TAF1: variants seen among roughly 807,000 people sequenced by gnomAD.
TAF1 encodes the protein TATA-box binding protein associated factor 1.
Under a neutral mutation model 138.5 loss-of-function variants are expected in TAF1, and 2 were observed. The observed-to-expected ratio is 0.01, with a 90% CI of 0.01 to 0.05. The LOEUF is 0.05. TAF1 is among the 10% of genes least tolerant of loss of function. TAF1 has a pLI of 1.00. For synonymous variants in TAF1, 437 were observed against 503.2 expected, an observed-to-expected ratio of 0.87 and a Z score of 1.76; for missense variants, 709 against 1,478.0, an observed-to-expected ratio of 0.48 and a Z score of 8.53.
At position 71,522,956 on chromosome X, in the gene TAF1, G is replaced by C. The variant is rs1290955825; in HGVS notation, c.1367-5586G>C. ...CAGCACTTTGGGAGGCCGAGGCAAG[G>C]AGATCACCTGAGCTCAGGAGTTCAA... On this transcript the variant is annotated intron_variant and NMD_transcript_variant, in intron 13 of 14. Transcript: ENST00000373775. Among the ~76,000 whole-genome samples the C allele has an allele frequency of 8.3e-5, 9 of 109,007 alleles. No individual in the cohort carries two copies. The East Asian group carries it at 1.4e-3, about 17-fold the overall frequency. 94.7% of individuals were successfully genotyped at this position (109,007 alleles called of 115,157 possible).
At chrX:71,451,802 T>G (rs1034977607) in intron 32 of TAF1, among the ~76,000 whole-genome samples, 5 of 111,247 alleles carry the variant, frequency 4.5e-5, no homozygotes, top group African/African-American at 1.6e-4. Context: ...GGTAAGGTCA[T>G]AGATCAACAG....
chrX:71,518,870 T>C (rs765634443), intron 13 of TAF1, among the ~76,000 whole-genome samples: 1 of 105,800 alleles, frequency 9.5e-6, no homozygotes, highest in Admixed American at 1.0e-4. Flanking sequence ...TAATTTTTTG[T>C]ATTTTTAGTA....
At chrX:71,505,157 T>C (rs1038258936) in intron 13 of TAF1, among the ~76,000 whole-genome samples, 4 of 110,999 alleles carry the variant, frequency 3.6e-5, no homozygotes, top group Non-Finnish European at 1.9e-5. Flanking sequence ...ATATATAATA[T>C]ATGAGTCCAT....
rs189028108 is a variant in TAF1 at position 71,409,789 on chromosome X, C to A, written c.4384+1638C>A. ...CTCAGCATTATATTTCACAAAATAT[C>A]CCTTATCATTTCTTCATGACTTTGC... is the stretch of plus-strand genomic sequence containing the variant. On this transcript the variant is annotated intron_variant, in intron 28 of 37. Coordinates refer to ENST00000423759, the MANE Select transcript of TAF1 (RefSeq NM_004606.5). Among the ~76,000 whole-genome samples the A allele has an allele frequency of 4.6e-4, 52 of 111,830 alleles. No individual in the cohort carries two copies. The South Asian group carries it at 5.3e-3, about 11-fold the overall frequency.
At chrX:71,414,053 C>T (rs1028985551) in intron 28 of TAF1, 1 of 102,829 alleles carries the variant, frequency 9.7e-6, no homozygotes, top group African/African-American at 3.6e-5. Context: ...CCTATAGCCT[C>T]ATCTCCTACA....
At chrX:71,445,995 C>T (rs1023751669) in intron 32 of TAF1, among the ~76,000 whole-genome samples, 29 of 107,674 alleles carry the variant, frequency 2.7e-4, no homozygotes, top group African/African-American at 8.9e-4. Context: ...ACTGTAACCT[C>T]TGCCTCCCGG....
At chrX:71,452,859 G>A (rs1165171636) in intron 32 of TAF1, among the ~76,000 whole-genome samples, 1 of 112,431 alleles carries the variant, frequency 8.9e-6, no homozygotes, top group African/African-American at 3.2e-5. Context: ...AGGAGCTGGA[G>A]ACCAGCCCGG....
At chrX:71,436,038 C>CTTTTTTT (rs780566468) in intron 32 of TAF1, among the ~76,000 whole-genome samples, 1 of 78,433 alleles carries the variant, frequency 1.3e-5, no homozygotes, top group Non-Finnish European at 2.4e-5. Context: ...ATGCTACCTC[C>CTTTTTTT]TTTTTTTTTT....
chrX:71,500,394 C>T (rs2039477086), intron 13 of TAF1, among the ~76,000 whole-genome samples: 1 of 111,421 alleles, frequency 9.0e-6, no homozygotes, highest in African/African-American at 3.3e-5. Flanking sequence ...AAATAAGCCA[C>T]TTCTTTTTCA....
chrX:71,405,863 A>G (rs138270070), intron 25 of TAF1, among the ~76,000 whole-genome samples: 1,669 of 110,614 alleles, frequency 0.015, 13 homozygotes, highest in Non-Finnish European at 0.024. Context: ...AACAGTTTTT[A>G]AATTTAAAAA....
chrX:71,372,526 C>T (rs772549713), intron 3 of TAF1, among the ~76,000 whole-genome samples: 2 of 106,721 alleles, frequency 1.9e-5, no homozygotes, highest in Non-Finnish European at 3.8e-5. Flanking sequence ...ATAGTCCCAG[C>T]TACTCAGGAG....
At chrX:71,453,604 C>T (rs1165771618) in intron 32 of TAF1, among the ~76,000 whole-genome samples, 1 of 110,053 alleles carries the variant, frequency 9.1e-6, no homozygotes, top group Non-Finnish European at 1.9e-5. Flanking sequence ...TCATTATCAC[C>T]CCAAGTCCAT....
At chrX:71,516,200 T>C (rs2039821092) in intron 13 of TAF1, among the ~76,000 whole-genome samples, 1 of 107,778 alleles carries the variant, frequency 9.3e-6, no homozygotes, top group Admixed American at 1.0e-4. Flanking sequence ...TAGCTGGAAC[T>C]ATAGGTTCGG....
intron 32 of TAF1, among the ~76,000 whole-genome samples, chrX:71,429,107 C>G (rs1465332841): frequency 9.0e-6 from 1 of 110,749 alleles, no homozygotes; most frequent in African/African-American, 3.3e-5. Flanking sequence ...AACCCCGTCT[C>G]TACTAAAAAT....
chrX:71,408,980 C>T (rs28382193), intron 28 of TAF1, among the ~76,000 whole-genome samples: 1,450 of 105,543 alleles, frequency 0.014, 12 homozygotes, highest in African/African-American at 0.036. Flanking sequence ...TGCCACTGCA[C>T]TCCAGTCTGG....
chrX:71,483,285 G>A (rs2147515299), intron 13 of TAF1, among the ~76,000 whole-genome samples: 1 of 107,714 alleles, frequency 9.3e-6, no homozygotes, highest in African/African-American at 3.4e-5. Context: ...ACCACGCCTG[G>A]CCAAGAAACC....
intron 32 of TAF1, among the ~76,000 whole-genome samples, chrX:71,439,774 TTTTTA>T (rs1288228216): frequency 8.9e-6 from 1 of 112,118 alleles, no homozygotes; most frequent in Non-Finnish European, 1.9e-5. Context: ...ATTCTGATCC[TTTTTA>T]TTTTGAGATA....
chrX:71,484,138 G>A (rs900625031), intron 13 of TAF1, among the ~76,000 whole-genome samples: 1 of 111,209 alleles, frequency 9.0e-6, no homozygotes, highest in Admixed American at 9.6e-5. Context: ...CCAAAGTGCT[G>A]GGATTATAGG....
chrX:71,380,003 A>G (rs1893843943), intron 8 of TAF1, among the ~76,000 whole-genome samples: 2 of 110,815 alleles, frequency 1.8e-5, no homozygotes, highest in Non-Finnish European at 3.8e-5. Context: ...TTTCTCCTTA[A>G]ATAGGTTTTT....
Sources: gnomAD v4.1 joint callset for allele counts (sites outside exome capture counted in the v4.1 genomes callset) on GRCh38, gnomAD v4.1.1 for gene constraint, MANE v1.5 for transcripts, NCBI Gene and HGNC (gene_info 2026-07-23, HGNC 2026-07-21) for gene names.